Variants in GPC6 observed in about 807,000 individuals in gnomAD.
GPC6 encodes glypican-6.
A neutral mutation model predicts 55.2 loss-of-function variants in GPC6; 14 were observed. That is an observed-to-expected ratio of 0.25 (90% CI 0.17 to 0.40). The LOEUF (loss-of-function observed/expected upper bound fraction) is 0.40, where lower values mean the gene tolerates loss of function less well. Among genes scored for constraint, GPC6 ranks in the 10% least tolerant of loss-of-function variants. The pLI, the probability that GPC6 is intolerant of heterozygous loss-of-function variation, is 1.00. For missense variants in GPC6, 641 were observed against 708.5 expected (o/e 0.90, Z 1.08); for synonymous variants, 278 against 259.6 (o/e 1.07, Z -0.68).
At chr13:93,239,779 T>C (rs532078574) in intron 1 of GPC6, among the ~76,000 whole-genome samples, 1 of 152,232 alleles carries the variant, frequency 6.6e-6, no homozygotes, top group South Asian at 2.1e-4. Context: ...GCTATAAGCT[T>C]TCCTGTTAGT....
At chr13:94,387,073 C>T (rs1171746062) in intron 7 of GPC6, among the ~76,000 whole-genome samples, 1 of 152,174 alleles carries the variant, frequency 6.6e-6, no homozygotes, top group African/African-American at 2.4e-5. Context: ...ATGATGACTT[C>T]AAATAGAACA....
At chr13:93,241,318 G>A (rs974562668) in intron 1 of GPC6, among the ~76,000 whole-genome samples, 5 of 152,146 alleles carry the variant, frequency 3.3e-5, no homozygotes, top group Non-Finnish European at 7.4e-5. Flanking sequence ...ATATTTGTTG[G>A]AGACTGTATT....
rs141496973 is a variant in GPC6 at position 93,820,734 on chromosome 13, A to AT, written c.320-9413dup. Among the ~76,000 whole-genome samples, 701 of 150,298 alleles carry AT rather than the reference A, an allele frequency of 4.7e-3. 8 individuals are homozygous for AT. Among genetic ancestry groups the AT allele is most frequent in the African/African-American group, 0.016 (671 of 40,946 alleles). ...TTTTAAATGTCAGAGTTACTGTGAG[A>AT]TTTTTTTAAGTCTCCTGGGACTCAT... On this transcript the variant is annotated intron_variant, in intron 2 of 8. Coordinates refer to ENST00000377047, the MANE Select transcript of GPC6 (RefSeq NM_005708.5).
intron 7 of GPC6, among the ~76,000 whole-genome samples, chr13:94,395,405 G>A (rs1880852999): frequency 6.6e-6 from 1 of 152,178 alleles, no homozygotes; most frequent in Non-Finnish European, 1.5e-5. Flanking sequence ...AATTTACAAT[G>A]CACTCTGTGT....
At chr13:94,289,434 A>G (rs1874830326) in intron 5 of GPC6, among the ~76,000 whole-genome samples, 1 of 152,126 alleles carries the variant, frequency 6.6e-6, no homozygotes, top group African/African-American at 2.4e-5. Flanking sequence ...ACACAGGGAG[A>G]TGACTGGGAG....
chr13:93,961,257 T>C (rs1311223682), intron 3 of GPC6, among the ~76,000 whole-genome samples: 1 of 152,198 alleles, frequency 6.6e-6, no homozygotes. Flanking sequence ...ATAAATAATC[T>C]CTTGAGTCTT....
intron 1 of GPC6, among the ~76,000 whole-genome samples, chr13:93,515,729 G>A (rs1881165718): frequency 6.6e-6 from 1 of 152,132 alleles, no homozygotes; most frequent in African/African-American, 2.4e-5. Context: ...GACGTATCAT[G>A]TTAAATAAAT....
chr13:94,330,281 G>C lies in GPC6; in HGVS notation c.1152+24158G>C, dbSNP rs1204850170. On this transcript the variant is annotated intron_variant, in intron 6 of 8. Coordinates refer to ENST00000377047, the MANE Select transcript of GPC6 (RefSeq NM_005708.5). ...GCCAGCAAAATTTTTACCGTTTAAA[G>C]TCTGTTTGGCCACTGGCCAAGTGAC... Among the ~76,000 whole-genome samples the C allele has an allele frequency of 2.0e-5, 3 of 152,018 alleles. No individual in the cohort carries two copies. In the East Asian group the frequency reaches 5.8e-4, roughly 29 times the overall value.
intron 1 of GPC6, among the ~76,000 whole-genome samples, chr13:93,543,670 T>G (rs564478631): frequency 1.3e-5 from 2 of 152,288 alleles, no homozygotes; most frequent in East Asian, 1.9e-4. Flanking sequence ...TTTTTAAGGC[T>G]GAGTACTATT....
intron 3 of GPC6, among the ~76,000 whole-genome samples, chr13:93,861,791 C>A (rs532941500): frequency 6.6e-6 from 1 of 151,836 alleles, no homozygotes; most frequent in East Asian, 2.0e-4. Context: ...TGGCAGCACC[C>A]TCTGACCTCT....
chr13:93,590,376 T>A (rs1877405923), intron 2 of GPC6, among the ~76,000 whole-genome samples: 1 of 152,156 alleles, frequency 6.6e-6, no homozygotes, highest in Non-Finnish European at 1.5e-5. Flanking sequence ...TTAAATATGG[T>A]TCTCTTTTGC....
At chr13:94,171,216 G>C (rs1393363205) in intron 4 of GPC6, among the ~76,000 whole-genome samples, 1 of 152,114 alleles carries the variant, frequency 6.6e-6, no homozygotes, top group Non-Finnish European at 1.5e-5. Flanking sequence ...GCTACTGATG[G>C]TCTCAATAAA....
chr13:93,455,064 C>T lies in GPC6; in HGVS notation c.161-90199C>T, dbSNP rs1032406340. 1.1e-4 allele frequency among the ~76,000 whole-genome samples: 17 copies of T among 152,296 alleles called. 2 individuals are homozygous for T. Among genetic ancestry groups the T allele is most frequent in the African/African-American group, 3.8e-4 (16 of 41,598 alleles). On this transcript the variant is annotated intron_variant, in intron 1 of 8. Transcript: ENST00000377047. ...CCTTATTGCCCGGAGCCGGCAGGGC[C>T]GGCCGGCTGCTCCGAGTGCAGGGCC...
At chr13:93,430,289 A>G (rs1594164168) in intron 1 of GPC6, among the ~76,000 whole-genome samples, 1 of 151,970 alleles carries the variant, frequency 6.6e-6, no homozygotes, top group East Asian at 1.9e-4. Flanking sequence ...ATGTATTAAG[A>G]ATAGAGAGAG....
chr13:93,714,583 G>A (rs546173497), intron 2 of GPC6, among the ~76,000 whole-genome samples: 1 of 151,962 alleles, frequency 6.6e-6, no homozygotes, highest in East Asian at 1.9e-4. Flanking sequence ...CCATTCCTGG[G>A]TATAAATCCA....
intron 2 of GPC6, among the ~76,000 whole-genome samples, chr13:93,582,432 A>AT (rs1256781486): frequency 6.6e-6 from 1 of 152,200 alleles, no homozygotes; most frequent in Non-Finnish European, 1.5e-5. Context: ...ATTCTTCAAA[A>AT]TTTTGTTAAG....
chr13:94,322,021 A>G (rs928093131), intron 6 of GPC6, among the ~76,000 whole-genome samples: 2 of 152,096 alleles, frequency 1.3e-5, no homozygotes, highest in Admixed American at 6.5e-5. Flanking sequence ...TTACTTACCA[A>G]CTGATATGGT....
chr13:94,150,329 T>A (rs371750700), intron 4 of GPC6, among the ~76,000 whole-genome samples: 1 of 152,102 alleles, frequency 6.6e-6, no homozygotes, highest in Non-Finnish European at 1.5e-5. Flanking sequence ...CCCTTGTCCT[T>A]CTAGCCCACT....
At chr13:93,800,021 AT>A (rs922761672) in intron 2 of GPC6, among the ~76,000 whole-genome samples, 4 of 152,062 alleles carry the variant, frequency 2.6e-5, no homozygotes, top group Non-Finnish European at 2.9e-5. Context: ...TACATTTCTG[AT>A]ACCTTCATTT....
Sources: gnomAD v4.1 joint callset for allele counts (sites outside exome capture counted in the v4.1 genomes callset) on GRCh38, gnomAD v4.1.1 for gene constraint, MANE v1.5 for transcripts, NCBI Gene and HGNC (gene_info 2026-07-23, HGNC 2026-07-21) for gene names.